KSR2: variants seen among roughly 807,000 people sequenced by gnomAD.
KSR2 encodes the protein kinase suppressor of ras 2.
KSR2 carries 25 observed loss-of-function variants against 107.8 expected under a neutral mutation model. That is an observed-to-expected ratio of 0.23 (90% CI 0.17 to 0.32). KSR2 has a LOEUF of 0.32. Ranked by LOEUF, KSR2 falls within the 10% of genes least tolerant of loss-of-function variation. The pLI is 1.00. For synonymous variants in KSR2, 480 were observed against 507.0 expected, an observed-to-expected ratio of 0.95 and a Z score of 0.71; for missense variants, 887 against 1,268.9, an observed-to-expected ratio of 0.70 and a Z score of 4.57.
At chr12:117,512,571 A>T (rs1874096300) in intron 14 of KSR2, among the ~76,000 whole-genome samples, 1 of 152,106 alleles carries the variant, frequency 6.6e-6, no homozygotes, top group Non-Finnish European at 1.5e-5. Flanking sequence ...GCCCTCCATA[A>T]GCTTCTGATG....
At chr12:117,708,671 A>G (rs1055346655) in intron 4 of KSR2, among the ~76,000 whole-genome samples, 8 of 152,174 alleles carry the variant, frequency 5.3e-5, no homozygotes, top group African/African-American at 1.7e-4. Flanking sequence ...CCCAAGGTCA[A>G]TTTCCTTCCA....
At chr12:117,615,826 T>C (rs1013638359) in intron 5 of KSR2, among the ~76,000 whole-genome samples, 1 of 152,186 alleles carries the variant, frequency 6.6e-6, no homozygotes, top group Admixed American at 6.5e-5. Context: ...AATAAATGTG[T>C]ATTGCTTGTT....
At chr12:117,682,376 CTA>C (rs1338297430) in intron 4 of KSR2, among the ~76,000 whole-genome samples, 1 of 151,948 alleles carries the variant, frequency 6.6e-6, no homozygotes, top group Non-Finnish European at 1.5e-5. Context: ...ACACATTTAC[CTA>C]TGTGACAAAC....
intron 5 of KSR2, among the ~76,000 whole-genome samples, chr12:117,656,153 A>G (rs1368803936): frequency 3.3e-5 from 5 of 151,854 alleles, no homozygotes; most frequent in Non-Finnish European, 7.4e-5. Context: ...TGTTAAACAC[A>G]TGTTTGTGTA....
At chr12:117,651,646 A>T (rs936077680) in intron 5 of KSR2, among the ~76,000 whole-genome samples, 1 of 152,190 alleles carries the variant, frequency 6.6e-6, no homozygotes, top group Non-Finnish European at 1.5e-5. Context: ...GCCCACTGTG[A>T]GTGAGTTGGA....
chr12:117,572,170 C>T (rs1401687195), intron 7 of KSR2, among the ~76,000 whole-genome samples: 2 of 152,216 alleles, frequency 1.3e-5, no homozygotes, highest in Non-Finnish European at 2.9e-5. Context: ...TTCCTCGGCC[C>T]AGAGCACCCT....
At chr12:117,485,815 A>G in intron 14 of KSR2, 124 bp from the exon 15 acceptor site, 1 of 657,178 alleles carries the variant, frequency 1.5e-6, no homozygotes, top group Non-Finnish European at 2.7e-6. Flanking sequence ...TGCTTATGAG[A>G]TAATAAGTCT....
chr12:117,629,410 GT>G (rs1302238597), intron 5 of KSR2, among the ~76,000 whole-genome samples: 1 of 152,220 alleles, frequency 6.6e-6, no homozygotes, highest in Non-Finnish European at 1.5e-5. Flanking sequence ...AAAAAAAGGT[GT>G]TTTTTGTGGT....
intron 8 of KSR2, among the ~76,000 whole-genome samples, chr12:117,555,783 G>T (rs1259491806): frequency 6.6e-6 from 1 of 152,176 alleles, no homozygotes; most frequent in Admixed American, 6.5e-5. Context: ...AAAGACAGCT[G>T]TTCTAGGAAG....
chr12:117,938,646 A>C (rs1169610997), intron 1 of KSR2, among the ~76,000 whole-genome samples: 1 of 152,060 alleles, frequency 6.6e-6, no homozygotes, highest in East Asian at 1.9e-4. Context: ...ACTACTCAGG[A>C]GGCTGAGGCA....
chr12:117,915,452 G>A (rs547700001), intron 1 of KSR2, among the ~76,000 whole-genome samples: 44 of 152,194 alleles, frequency 2.9e-4, no homozygotes, highest in Non-Finnish European at 5.3e-4. Context: ...CAAACATTCA[G>A]TCCATTACAC....
At chr12:117,810,975 A>G (rs1460917007) in intron 3 of KSR2, among the ~76,000 whole-genome samples, 1 of 152,250 alleles carries the variant, frequency 6.6e-6, no homozygotes, top group Non-Finnish European at 1.5e-5. Flanking sequence ...GATATCTTTC[A>G]AAGAGGATCA....
chr12:117,683,018 T>G (rs890772161), intron 4 of KSR2, among the ~76,000 whole-genome samples: 2 of 152,030 alleles, frequency 1.3e-5, no homozygotes, highest in Admixed American at 1.3e-4. Flanking sequence ...CAGTCTAAGA[T>G]GCAGGCACAT....
intron 16 of KSR2, among the ~76,000 whole-genome samples, chr12:117,481,143 T>A (rs571214729): frequency 6.6e-6 from 1 of 152,294 alleles, no homozygotes; most frequent in African/African-American, 2.4e-5. Flanking sequence ...AACAGCCTTA[T>A]GAGATAGGTG....
rs1230853053 is a variant in KSR2, at chr12:117,907,766, A to AT, written c.181-47336dup. Among the ~76,000 whole-genome samples the AT allele has an allele frequency of 3.9e-5, 6 of 152,032 alleles. No homozygotes were observed. Among genetic ancestry groups the AT allele is most frequent in the Non-Finnish European group, 7.4e-5 (5 of 67,992 alleles). On this transcript the variant is annotated intron_variant, in intron 1 of 19. Transcript: ENST00000339824. This position sits in a 1 kb window ranked among gnomAD's most constrained non-coding sequence, Gnocchi z 4.3. ...GAAGGGGGCAATTGTAACCACGTCAATTTTTTTAGGTTTTTTTTTTCTTTT... is the reference window on the plus strand; with the variant it reads ...GAAGGGGGCAATTGTAACCACGTCAATTTTTTTTAGGTTTTTTTTTTCTTTT...
chr12:117,480,598 T>C (rs968474894), intron 16 of KSR2, among the ~76,000 whole-genome samples: 1 of 152,034 alleles, frequency 6.6e-6, no homozygotes, highest in Non-Finnish European at 1.5e-5. Context: ...TCGGGCTTGG[T>C]GGCGGGGGGG....
At chr12:117,701,234 G>A (rs1886296808) in intron 4 of KSR2, among the ~76,000 whole-genome samples, 1 of 152,102 alleles carries the variant, frequency 6.6e-6, no homozygotes, top group Non-Finnish European at 1.5e-5. Context: ...CTGAGACTAT[G>A]GGCATGCACC....
intron 4 of KSR2, among the ~76,000 whole-genome samples, chr12:117,681,812 T>G (rs774254031): frequency 2.1e-4 from 32 of 152,170 alleles, no homozygotes; most frequent in Non-Finnish European, 4.1e-4. Context: ...ACTTTTACAC[T>G]ACTGGCAGGA....
intron 1 of KSR2, among the ~76,000 whole-genome samples, chr12:117,875,687 CGA>C (rs1181704895): frequency 6.6e-6 from 1 of 152,172 alleles, no homozygotes; most frequent in African/African-American, 2.4e-5. Flanking sequence ...GTCCCACCGG[CGA>C]GAGCTCTTCT....
Sources: allele counts gnomAD v4.1 joint callset (sites outside exome capture counted in the v4.1 genomes callset), GRCh38; gene constraint gnomAD v4.1.1; non-coding constraint Gnocchi (gnomAD v3.1); transcripts MANE v1.5; gene names NCBI Gene and HGNC (gene_info 2026-07-23, HGNC 2026-07-21).